C16orf89: variants seen among roughly 807,000 people sequenced by gnomAD.
C16orf89 encodes the protein chromosome 16 open reading frame 89, also known as UPF0764 protein C16orf89.
A neutral mutation model predicts 41.5 loss-of-function variants in C16orf89; 57 were observed. The observed-to-expected ratio is 1.38, with a 90% CI of 1.11 to 1.71. The LOEUF (loss-of-function observed/expected upper bound fraction) is 1.71, where lower values mean the gene tolerates loss of function less well. C16orf89 is among the 40% of genes most tolerant of loss of function. The pLI is 0.00. For synonymous variants in C16orf89, 223 were observed against 190.6 expected, an observed-to-expected ratio of 1.17 and a Z score of -1.40; for missense variants, 575 against 445.9, an observed-to-expected ratio of 1.29 and a Z score of -2.61.
chr16:5,047,847 G>A lies in C16orf89; in HGVS notation c.955+31C>T, dbSNP rs763591304. 1.1e-5 allele frequency: 14 copies of A among 1,287,126 alleles called. No individual in the cohort carries two copies. The African/African-American group carries it at 1.6e-4, about 15-fold the overall frequency. The allele number at this position is 1,287,126 out of a possible 1,614,324, so 79.7% of individuals were successfully genotyped here. A position where few individuals can be genotyped will look rare whatever the true frequency, so the allele number is the denominator to read the frequency against. The stretch of plus-strand genomic sequence containing the variant: ...TTTTGCTAGGATATCTTAGTTTCAT[G>A]TCAAGAAACTCCCTTGGGTATTTTC... On this transcript the variant is annotated intron_variant, in intron 7 of 7. Transcript: ENST00000472572.
intron 7 of C16orf89, 57 bp downstream of exon 7, chr16:5,047,821 G>A: frequency 9.9e-7 from 1 of 1,009,016 alleles, no homozygotes; most frequent in Non-Finnish European, 1.6e-6. Flanking sequence ...ACAGGCCTCT[G>A]TTTTGCTAGG....
rs186557879 is a variant in C16orf89 at position 5,053,185 on chromosome 16, C to T, written c.868+2061G>A. 2.3e-3 allele frequency among the ~76,000 whole-genome samples: 344 copies of T among 152,194 alleles called. 1 individual carries two copies. Among genetic ancestry groups the T allele is most frequent in the Non-Finnish European group, 3.9e-3 (265 of 68,010 alleles). The stretch of plus-strand genomic sequence containing the variant: ...AGGAGTTCGTGACCAGCATGGCCAA[C>T]ATGGTGAAACCCCCTCTCTACTAAA... On this transcript the variant is annotated intron_variant, in intron 6 of 7. Transcript: ENST00000472572.
intron 4 of C16orf89, among the ~76,000 whole-genome samples, chr16:5,056,868 C>A (rs1053082732): frequency 1.3e-5 from 2 of 152,188 alleles, no homozygotes; most frequent in Non-Finnish European, 2.9e-5. Context: ...CAGAGAGTGT[C>A]TCCTCAGCTA....
At chr16:5,061,484 C>CAA (rs757755365) in intron 2 of C16orf89, among the ~76,000 whole-genome samples, 77 of 5,122 alleles carry the variant, frequency 0.015, 4 homozygotes, top group African/African-American at 0.044. Flanking sequence ...GACACTGTCT[C>CAA]AAAAAAAAAA....
chr16:5,057,164 G>C (rs933384958), intron 4 of C16orf89, among the ~76,000 whole-genome samples: 1 of 151,038 alleles, frequency 6.6e-6, no homozygotes, highest in African/African-American at 2.4e-5. Context: ...TTAAATCCGG[G>C]AGGCAGAGGT....
At chr16:5,047,806 T>A (rs1956326614) in intron 7 of C16orf89, 72 bp downstream of exon 7, 12 of 884,572 alleles carry the variant, frequency 1.4e-5, no homozygotes, top group Non-Finnish European at 2.1e-5. Context: ...TAGCAGAGAA[T>A]AAACACAGGC....
rs1238897079 is a variant in C16orf89 at position 5,057,276 on chromosome 16, ATGTATATATATATG to A, written c.628-1102_628-1089del. 1.9e-4 allele frequency among the ~76,000 whole-genome samples: 26 copies of A among 134,848 alleles called. No individual in the cohort carries two copies. The East Asian group carries it at 4.3e-3, about 23-fold the overall frequency. 88.5% of individuals were successfully genotyped at this position (134,848 alleles called of 152,430 possible). A position where few individuals can be genotyped will look rare whatever the true frequency, so the allele number is the denominator to read the frequency against. ...AAGGAAAAGAAATATACATATATAT[ATGTATATATATATG>A]TGTATATATATATATAGTGGTATAT... On this transcript the variant is annotated intron_variant, in intron 4 of 7. Transcript: ENST00000472572.
At chr16:5,046,330 TTTTTATTTTA>T (rs529008028) in intron 7 of C16orf89, among the ~76,000 whole-genome samples, 158 of 151,826 alleles carry the variant, frequency 1.0e-3, no homozygotes, top group Non-Finnish European at 1.9e-3. Context: ...ACTTATTTAT[TTTTTATTTTA>T]TTTTATTTTA....
chr16:5,062,432 G>A lies in C16orf89; in HGVS notation c.351C>T (p.Tyr117=). 6.2e-7 allele frequency: 1 copy of A among 1,612,706 alleles called. No individual in the cohort carries two copies. Among genetic ancestry groups the A allele is most frequent in the South Asian group, 1.1e-5 (1 of 90,914 alleles). The change falls in exon 2 of 8, where the codon TAC becomes TAT. Residue 117 remains tyrosine, a synonymous_variant. Transcript: ENST00000472572. ...CACCCTGCGTGTGCTCACCTCTTAGGTACTTGGGATCACTCAGCTTGAGGT... is the reference window on the plus strand; with the variant it reads ...CACCCTGCGTGTGCTCACCTCTTAGATACTTGGGATCACTCAGCTTGAGGT... The part of the protein sequence containing the change: ...LHYLKLSDPK[Y]LREFQLTLQP...
chr16:5,063,942 C>A (rs1310106704), intron 1 of C16orf89, among the ~76,000 whole-genome samples: 1 of 152,072 alleles, frequency 6.6e-6, no homozygotes, highest in Non-Finnish European at 1.5e-5. Flanking sequence ...GCATGGCCAA[C>A]ATGGTAAAAC....
At chr16:5,051,378 CA>C (rs60636105) in intron 6 of C16orf89, among the ~76,000 whole-genome samples, 1 of 152,036 alleles carries the variant, frequency 6.6e-6, no homozygotes, top group East Asian at 1.9e-4. Flanking sequence ...AATAAACATA[CA>C]AAAAATCAGT....
At chr16:5,045,535 G>A (rs1956279923) in intron 7 of C16orf89, among the ~76,000 whole-genome samples, 1 of 152,174 alleles carries the variant, frequency 6.6e-6, no homozygotes, top group Admixed American at 6.5e-5. Flanking sequence ...GGGGACCCCA[G>A]CCAGGTCCGT....
At chr16:5,059,658 A>G (rs2142659003) in intron 3 of C16orf89, among the ~76,000 whole-genome samples, 1 of 152,190 alleles carries the variant, frequency 6.6e-6, no homozygotes, top group South Asian at 2.1e-4. Flanking sequence ...CCTTGTTCCA[A>G]GCCCACCAAA....
intron 4 of C16orf89, among the ~76,000 whole-genome samples, chr16:5,058,088 C>G (rs1194001243): frequency 6.6e-6 from 1 of 152,062 alleles, no homozygotes; most frequent in African/African-American, 2.4e-5. Flanking sequence ...TGGTGTGTAG[C>G]AGACAGAACT....
intron 2 of C16orf89, 132 bp downstream of exon 2, chr16:5,062,293 G>A: frequency 8.5e-7 from 1 of 1,169,976 alleles, no homozygotes; most frequent in Non-Finnish European, 1.1e-6. Context: ...GGCTTGCTCA[G>A]CAGACAGGTC....
At chr16:5,065,042 CTGTGTGCTTGTG>C (rs368335586) in intron 1 of C16orf89, among the ~76,000 whole-genome samples, 1 of 152,224 alleles carries the variant, frequency 6.6e-6, no homozygotes, top group African/African-American at 2.4e-5. Flanking sequence ...TGGGAGCCAC[CTGTGTGCTTGTG>C]TGTGTGTGTG....
At chr16:5,047,743 A>C in intron 7 of C16orf89, 135 bp downstream of exon 7, 1 of 669,848 alleles carries the variant, frequency 1.5e-6, no homozygotes, top group South Asian at 1.6e-5. Context: ...ACCTCTCAAC[A>C]TGAAGGCCCT....
rs1046251504 is a variant in C16orf89, at chr16:5,059,449, G to C, written c.509+837C>G. 1.3e-5 allele frequency among the ~76,000 whole-genome samples: 2 copies of C among 152,148 alleles called. 1 individual carries two copies. The highest frequency in any genetic ancestry group is 3.9e-4 in the East Asian group (2 of 5,112). On this transcript the variant is annotated intron_variant, in intron 3 of 7. Transcript: ENST00000472572. ...CACACCACTGCACTCCAGCCTGGGGGACAGTGAGCCTCTGTCTCAAAAAAA... is the reference window on the plus strand; with the variant it reads ...CACACCACTGCACTCCAGCCTGGGGCACAGTGAGCCTCTGTCTCAAAAAAA...
rs1312847448 is a variant in C16orf89, at chr16:5,060,540, G to A, written c.359-104C>T. 12 of 1,235,406 alleles carry A rather than the reference G, an allele frequency of 9.7e-6. 1 individual carries two copies. The East Asian group carries it at 3.1e-4, about 32-fold the overall frequency. 76.5% of individuals were successfully genotyped at this position (1,235,406 alleles called of 1,614,324 possible). ...CTCCTGCAGCCCTGCCCACTGGCAG[G>A]TGCAGCTCAGGGCTCTAAGCCCTGT... On this transcript the variant is annotated intron_variant, in intron 2 of 7. Transcript: ENST00000472572.
Sources: gnomAD v4.1 joint callset for allele counts (sites outside exome capture counted in the v4.1 genomes callset) on GRCh38, gnomAD v4.1.1 for gene constraint, MANE v1.5 for transcripts, NCBI Gene and HGNC (gene_info 2026-07-23, HGNC 2026-07-21) for gene names.